B3GALT1: variants seen among roughly 807,000 people sequenced by gnomAD.
B3GALT1 encodes the protein UDP-Gal:betaGlcNAc beta 1,3-galactosyltransferase, polypeptide 1.
In B3GALT1, 10 loss-of-function variants were observed where a neutral mutation model predicts 23.2. That is an observed-to-expected ratio of 0.43 (90% CI 0.27 to 0.73). The LOEUF (loss-of-function observed/expected upper bound fraction) is 0.73, where lower values mean the gene tolerates loss of function less well. Among genes scored for constraint, B3GALT1 ranks in the 30% least tolerant of loss-of-function variants. The probability of loss-of-function intolerance (pLI) is 0.21; values close to 1 mark genes in which losing one functional copy is unlikely to be tolerated. For synonymous variants in B3GALT1, 156 were observed against 141.5 expected (o/e 1.10, Z -0.73); for missense variants, 299 against 405.4 (o/e 0.74, Z 2.25).
At chr2:167,592,551 C>G (rs952323084) in intron 2 of B3GALT1, among the ~76,000 whole-genome samples, 2 of 152,204 alleles carry the variant, frequency 1.3e-5, no homozygotes, top group African/African-American at 4.8e-5. Flanking sequence ...AATGCTCTTT[C>G]TATCTCTTTC....
intron 3 of B3GALT1, among the ~76,000 whole-genome samples, chr2:167,656,210 A>G (rs1685953545): frequency 6.6e-6 from 1 of 152,078 alleles, no homozygotes; most frequent in South Asian, 2.1e-4. Context: ...TAATTTTCCT[A>G]TTTAGAGAGT....
At chr2:167,624,797 A>G (rs930100035) in intron 2 of B3GALT1, among the ~76,000 whole-genome samples, 4 of 152,012 alleles carry the variant, frequency 2.6e-5, no homozygotes, top group Non-Finnish European at 5.9e-5. Flanking sequence ...TTAGAATGCT[A>G]TTTGCATCAA....
intron 3 of B3GALT1, among the ~76,000 whole-genome samples, chr2:167,711,246 T>C (rs1164720932): frequency 6.6e-6 from 1 of 152,190 alleles, no homozygotes; most frequent in Non-Finnish European, 1.5e-5. Context: ...TGATCCAATC[T>C]AAACAAGACC....
chr2:167,652,330 G>A (rs1026244689), intron 3 of B3GALT1, among the ~76,000 whole-genome samples: 1 of 152,146 alleles, frequency 6.6e-6, no homozygotes, highest in South Asian at 2.1e-4. Context: ...AATTGTGGCT[G>A]GCCTTAGGAT....
chr2:167,485,649 T>A (rs540149407), intron 1 of B3GALT1, among the ~76,000 whole-genome samples: 64 of 152,336 alleles, frequency 4.2e-4, no homozygotes, highest in Non-Finnish European at 7.6e-4. Context: ...GTGTCCTTAG[T>A]ACTTTGCATG....
intron 2 of B3GALT1, among the ~76,000 whole-genome samples, chr2:167,602,571 G>T (rs572294121): frequency 1.3e-5 from 2 of 152,146 alleles, no homozygotes; most frequent in Admixed American, 1.3e-4. Flanking sequence ...GCAGAGAGTA[G>T]ATCAATATTT....
At chr2:167,533,879 G>A (rs1230655134) in intron 2 of B3GALT1, among the ~76,000 whole-genome samples, 3 of 152,126 alleles carry the variant, frequency 2.0e-5, no homozygotes, top group Admixed American at 2.0e-4. Flanking sequence ...GCCTAGAAAT[G>A]TCATTCTTTG....
chr2:167,373,573 C>A (rs1053438024), intron 1 of B3GALT1, among the ~76,000 whole-genome samples: 1 of 152,122 alleles, frequency 6.6e-6, no homozygotes, highest in African/African-American at 2.4e-5. Context: ...GAGCAAAAGA[C>A]TTGAACACAC....
chr2:167,569,525 G>T (rs1684251766), intron 2 of B3GALT1, among the ~76,000 whole-genome samples: 1 of 151,816 alleles, frequency 6.6e-6, no homozygotes, highest in Non-Finnish European at 1.5e-5. Flanking sequence ...TAAAGCAATT[G>T]ACTTTTATAC....
At chr2:167,642,055 A>G (rs1008602158) in intron 2 of B3GALT1, among the ~76,000 whole-genome samples, 3 of 152,142 alleles carry the variant, frequency 2.0e-5, no homozygotes, top group Non-Finnish European at 4.4e-5. Context: ...TAAGTTTCAA[A>G]TCACTCAGTC....
chr2:167,828,096 A>G (rs1689267004), intron 4 of B3GALT1, among the ~76,000 whole-genome samples: 1 of 152,198 alleles, frequency 6.6e-6, no homozygotes, highest in African/African-American at 2.4e-5. Flanking sequence ...TTCTCACCAG[A>G]CTGTGATGCT....
chr2:167,490,745 A>G (rs1284461236), intron 2 of B3GALT1, among the ~76,000 whole-genome samples: 2 of 152,126 alleles, frequency 1.3e-5, no homozygotes, highest in African/African-American at 4.8e-5. Context: ...TGAGCAATAC[A>G]ACCTTTCCTT....
chr2:167,748,696 T>C (rs1370344054), intron 3 of B3GALT1, among the ~76,000 whole-genome samples: 1 of 152,212 alleles, frequency 6.6e-6, no homozygotes, highest in Non-Finnish European at 1.5e-5. Context: ...CAAAGTATAA[T>C]GCCTAACTGA....
intron 4 of B3GALT1, among the ~76,000 whole-genome samples, chr2:167,837,254 C>A (rs1433245112): frequency 1.8e-4 from 28 of 152,196 alleles, no homozygotes; most frequent in African/African-American, 6.3e-4. Flanking sequence ...AGAGTCAAGA[C>A]CCATCAGTGT....
intron 4 of B3GALT1, among the ~76,000 whole-genome samples, chr2:167,848,582 A>C (rs200836681): frequency 6.6e-6 from 1 of 152,170 alleles, no homozygotes; most frequent in South Asian, 2.1e-4. Flanking sequence ...TCAGCATATA[A>C]GGGACATACC....
chr2:167,614,281 GA>G (rs558797055), intron 2 of B3GALT1, among the ~76,000 whole-genome samples: 109 of 130,420 alleles, frequency 8.4e-4, no homozygotes, highest in African/African-American at 2.4e-3. Flanking sequence ...CAAAGAAAAT[GA>G]AAAAAAAAAC....
At chr2:167,551,621 G>A (rs545434085) in intron 2 of B3GALT1, among the ~76,000 whole-genome samples, 77 of 152,296 alleles carry the variant, frequency 5.1e-4, no homozygotes, top group Non-Finnish European at 9.1e-4. Flanking sequence ...CAGTGCCCTC[G>A]GGGGTTGTCT....
At chr2:167,482,332 GCTTT>G (rs1699572516) in intron 1 of B3GALT1, among the ~76,000 whole-genome samples, 2 of 152,106 alleles carry the variant, frequency 1.3e-5, no homozygotes, top group Non-Finnish European at 2.9e-5. Context: ...TTTATTTTGA[GCTTT>G]CTTTATTCTT....
At chr2:167,777,207 C>T (rs1252388856) in intron 3 of B3GALT1, among the ~76,000 whole-genome samples, 1 of 152,126 alleles carries the variant, frequency 6.6e-6, no homozygotes, top group Non-Finnish European at 1.5e-5. Flanking sequence ...TATAATAACA[C>T]AATCATAAAA....
Sources: allele counts gnomAD v4.1 joint callset (sites outside exome capture counted in the v4.1 genomes callset), GRCh38; gene constraint gnomAD v4.1.1; transcripts MANE v1.5; gene names NCBI Gene and HGNC (gene_info 2026-07-23, HGNC 2026-07-21).